Variants in CHRM3 observed in about 807,000 individuals in gnomAD.
The protein encoded by CHRM3 is cholinergic receptor muscarinic 3, also known as muscarinic acetylcholine receptor M3.
A neutral mutation model predicts 41.8 loss-of-function variants in CHRM3; 11 were observed. That is an observed-to-expected ratio of 0.26 (90% CI 0.17 to 0.44). The LOEUF is 0.44. CHRM3 is among the 20% of genes least tolerant of loss of function. The pLI is 1.00. For synonymous variants in CHRM3, 297 were observed against 301.4 expected, an observed-to-expected ratio of 0.99 and a Z score of 0.15; for missense variants, 571 against 745.4, an observed-to-expected ratio of 0.77 and a Z score of 2.72.
chr1:239,540,705 A>G (rs1381129768), intron 2 of CHRM3, among the ~76,000 whole-genome samples: 1 of 152,266 alleles, frequency 6.6e-6, no homozygotes, highest in South Asian at 2.1e-4. Flanking sequence ...ACCATACACA[A>G]TATTGCCTGT....
chr1:239,389,663 A>C (rs1187529007), intron 1 of CHRM3, among the ~76,000 whole-genome samples: 1 of 152,220 alleles, frequency 6.6e-6, no homozygotes, highest in African/African-American at 2.4e-5. Context: ...AGAAAGTTAA[A>C]CGATATGGTT....
intron 1 of CHRM3, among the ~76,000 whole-genome samples, chr1:239,476,187 C>T (rs894897196): frequency 2.6e-5 from 4 of 152,146 alleles, no homozygotes; most frequent in East Asian, 1.9e-4. Flanking sequence ...CTGGTCTGGC[C>T]GGGCACGGTG....
chr1:239,455,330 C>T (rs1419643323), intron 1 of CHRM3, among the ~76,000 whole-genome samples: 2 of 151,980 alleles, frequency 1.3e-5, no homozygotes, highest in Middle Eastern at 3.2e-3. Context: ...GGATTACAGA[C>T]CTGAGCCACA....
At chr1:239,519,242 G>A (rs990130885) in intron 2 of CHRM3, among the ~76,000 whole-genome samples, 4 of 152,172 alleles carry the variant, frequency 2.6e-5, no homozygotes, top group Admixed American at 6.5e-5. Flanking sequence ...TAAAAATGTA[G>A]CATGTTATGT....
chr1:239,659,768 C>G (rs923221743), intron 4 of CHRM3, among the ~76,000 whole-genome samples: 12 of 152,152 alleles, frequency 7.9e-5, no homozygotes, highest in African/African-American at 2.9e-4. Flanking sequence ...TGGTACCATT[C>G]CAACATGTAT....
intron 1 of CHRM3, among the ~76,000 whole-genome samples, chr1:239,432,095 G>A (rs1328866846): frequency 2.6e-5 from 4 of 152,176 alleles, no homozygotes; most frequent in African/African-American, 7.2e-5. Context: ...ACGCCAAAAT[G>A]GTTTGTAGAT....
intron 2 of CHRM3, among the ~76,000 whole-genome samples, chr1:239,508,503 T>A (rs545619415): frequency 6.6e-6 from 1 of 152,364 alleles, no homozygotes; most frequent in East Asian, 1.9e-4. Context: ...AATATTCTTT[T>A]CTATGGTTTA....
chr1:239,688,900 T>C (rs2147959223), intron 5 of CHRM3, among the ~76,000 whole-genome samples: 1 of 145,112 alleles, frequency 6.9e-6, no homozygotes, highest in Non-Finnish European at 1.5e-5. Flanking sequence ...ATAATATACA[T>C]TTCTAAATTA....
chr1:239,506,210 A>C (rs1668560521), intron 2 of CHRM3, among the ~76,000 whole-genome samples: 1 of 152,190 alleles, frequency 6.6e-6, no homozygotes, highest in African/African-American at 2.4e-5. Flanking sequence ...GTTGAATGTT[A>C]ATCCTCAAGA....
intron 1 of CHRM3, among the ~76,000 whole-genome samples, chr1:239,444,515 G>A (rs983175665): frequency 5.3e-5 from 8 of 152,092 alleles, no homozygotes; most frequent in Non-Finnish European, 1.0e-4. Context: ...CCTGCCTGGT[G>A]AGCTGGGACC....
rs955965453 is a variant in CHRM3, at chr1:239,404,999, C to G, written c.-521+17772C>G. Among the ~76,000 whole-genome samples, 3 of 151,844 alleles carry G rather than the reference C, an allele frequency of 2.0e-5. 1 individual carries two copies. Among genetic ancestry groups the G allele is most frequent in the Non-Finnish European group, 4.4e-5 (3 of 67,966 alleles). Reference sequence around the variant, plus strand: ...GTCAAAAAAGCAAAGACAACATAGTCTAGAACTGCTGTCTAAGTGCAAAAT... The same window carrying G: ...GTCAAAAAAGCAAAGACAACATAGTGTAGAACTGCTGTCTAAGTGCAAAAT... On this transcript the variant is annotated intron_variant, in intron 1 of 6. Coordinates refer to ENST00000676153, the MANE Select transcript of CHRM3 (RefSeq NM_001375978.1).
At chr1:239,531,513 C>A (rs906027740) in intron 2 of CHRM3, among the ~76,000 whole-genome samples, 1 of 151,766 alleles carries the variant, frequency 6.6e-6, no homozygotes, top group East Asian at 1.9e-4. Context: ...TGGAAAGTAA[C>A]GTTTTCTGGT....
At chr1:239,780,324 T>C (rs1668419300) in intron 5 of CHRM3, among the ~76,000 whole-genome samples, 1 of 152,230 alleles carries the variant, frequency 6.6e-6, no homozygotes, top group Non-Finnish European at 1.5e-5. Context: ...TTTGCTATTC[T>C]AATAGGTGTG....
chr1:239,891,680 T>G (rs1678562134), intron 6 of CHRM3, among the ~76,000 whole-genome samples: 1 of 152,194 alleles, frequency 6.6e-6, no homozygotes, highest in Non-Finnish European at 1.5e-5. Flanking sequence ...AATGGCAGCA[T>G]TAGCATGACC....
At chr1:239,638,952 G>C (rs545081985) in intron 4 of CHRM3, among the ~76,000 whole-genome samples, 1 of 152,262 alleles carries the variant, frequency 6.6e-6, no homozygotes, top group African/African-American at 2.4e-5. Context: ...AAGGTATAAG[G>C]AAGGGATCCA....
Position 239,908,607 on chromosome 1 carries a change from T to C in CHRM3, c.1156T>C (p.Ser386Pro). 3 of 1,605,760 alleles carry C rather than the reference T, an allele frequency of 1.9e-6. No homozygotes were observed. Among genetic ancestry groups the C allele is most frequent in the Non-Finnish European group, 1.7e-6 (2 of 1,176,092 alleles). The change falls in exon 7 of 7, where the codon TCG (serine) becomes CCG (proline). Residue 386 changes from serine (S) to proline (P), a missense_variant. Physicochemically the swap from Ser to Pro is moderately conservative, Grantham distance 74 (BLOSUM62 -1). Transcript: ENST00000676153. The surrounding 1 kb of genome is among the most constrained non-coding windows in gnomAD (Gnocchi z 7.2). ...CCTCAACTCCACCAAGTTACCCTCA[T>C]CGGACAACCTGCAGGTGCCTGAGGA... Reference protein sequence around the residue: ...TILNSTKLPSSDNLQVPEEEL... With the variant: ...TILNSTKLPSPDNLQVPEEEL...
At chr1:239,389,905 G>T (rs2102906624) in intron 1 of CHRM3, among the ~76,000 whole-genome samples, 1 of 152,232 alleles carries the variant, frequency 6.6e-6, no homozygotes, top group Non-Finnish European at 1.5e-5. Context: ...GAACAGCTGT[G>T]GTGTAGTGGC....
intron 5 of CHRM3, among the ~76,000 whole-genome samples, chr1:239,744,516 G>A (rs986989376): frequency 1.3e-5 from 2 of 152,086 alleles, no homozygotes; most frequent in Non-Finnish European, 2.9e-5. Flanking sequence ...TTCAGGTAAG[G>A]GACCAGCAGG....
chr1:239,634,906 T>G (rs1411230322), intron 4 of CHRM3, among the ~76,000 whole-genome samples: 1 of 152,216 alleles, frequency 6.6e-6, no homozygotes, highest in African/African-American at 2.4e-5. Flanking sequence ...CCTTTGCTGC[T>G]TATTTGTAAA....
Sources: gnomAD v4.1 joint callset for allele counts (sites outside exome capture counted in the v4.1 genomes callset) on GRCh38, gnomAD v4.1.1 for gene constraint, Gnocchi (gnomAD v3.1) non-coding constraint, MANE v1.5 for transcripts, NCBI Gene and HGNC (gene_info 2026-07-23, HGNC 2026-07-21) for gene names.